The following NF1 variants were observed in gnomAD, a reference collection of about 807,000 sequenced individuals.
NF1 encodes the protein neurofibromin 1, also known as neurofibromin.
NF1 carries 122 observed loss-of-function variants against 325.7 expected under a neutral mutation model. The observed-to-expected ratio is 0.37, with a 90% CI of 0.32 to 0.44. The LOEUF (loss-of-function observed/expected upper bound fraction) is 0.44. NF1 is among the 20% of genes least tolerant of loss of function. The probability of loss-of-function intolerance (pLI) is 1.00; values close to 1 mark genes in which losing one functional copy is unlikely to be tolerated. For synonymous variants in NF1, 1,091 were observed against 1,186.0 expected, an observed-to-expected ratio of 0.92 and a Z score of 1.65; for missense variants, 2,140 against 3,415.4, an observed-to-expected ratio of 0.63 and a Z score of 9.31.
intron 36 of NF1, chr17:31,314,271 T>G (rs1184672856): frequency 3.1e-6 from 1 of 325,930 alleles, no homozygotes; most frequent in East Asian, 4.7e-5. Context: ...TTTGAGATAC[T>G]CTAGTAATAT....
Position 31,243,309 on chromosome 17 carries a change from C to T in NF1, c.3975-5675C>T, listed in dbSNP as rs554550018. On this transcript the variant is annotated intron_variant, in intron 29 of 57. Transcript: ENST00000358273. ...GTCTTGCCCAAGGCCTGCAGTACTGCTGCCTGACTACCACCTATGTTCACT... is the reference window on the plus strand; with the variant it reads ...GTCTTGCCCAAGGCCTGCAGTACTGTTGCCTGACTACCACCTATGTTCACT... 2.6e-5 allele frequency among the ~76,000 whole-genome samples: 4 copies of T among 151,944 alleles called. No homozygotes were observed. The South Asian group carries it at 8.3e-4, about 32-fold the overall frequency.
At chr17:31,342,600 TTTGCAAATGGAGCA>T in intron 47 of NF1, among the ~76,000 whole-genome samples, 1 of 152,098 alleles carries the variant, frequency 6.6e-6, no homozygotes, top group East Asian at 1.9e-4. Context: ...AAAAAGAATA[TTTGCAAATGGAGCA>T]TTGCAAATGG....
intron 8 of NF1, among the ~76,000 whole-genome samples, chr17:31,199,463 A>G (rs2066489108): frequency 6.6e-6 from 1 of 152,176 alleles, no homozygotes; most frequent in Non-Finnish European, 1.5e-5. Context: ...CTTTAAATGT[A>G]TTAAGACTTA....
At chr17:31,313,250 G>T (rs934625510) in intron 36 of NF1, among the ~76,000 whole-genome samples, 1 of 152,096 alleles carries the variant, frequency 6.6e-6, no homozygotes, top group Non-Finnish European at 1.5e-5. Flanking sequence ...ATTATATTAT[G>T]TACAGGAAAA....
intron 36 of NF1, among the ~76,000 whole-genome samples, chr17:31,306,019 C>G (rs530097644): frequency 2.0e-5 from 3 of 152,272 alleles, no homozygotes; most frequent in Admixed American, 1.3e-4. Flanking sequence ...CCATTTTCTA[C>G]TAGAAATATA....
intron 36 of NF1, chr17:31,317,660 G>A (rs906506891): frequency 3.3e-5 from 5 of 152,054 alleles, no homozygotes; most frequent in East Asian, 1.9e-4. Flanking sequence ...GCAAATATAC[G>A]TGGTCACAGG....
At chr17:31,177,380 A>G (rs970999652) in intron 5 of NF1, among the ~76,000 whole-genome samples, 4 of 152,040 alleles carry the variant, frequency 2.6e-5, no homozygotes, top group African/African-American at 9.7e-5. Context: ...ATCAACATCA[A>G]AGACCAAAGG....
chr17:31,375,010 A>G lies in NF1; in HGVS notation c.*855A>G. On this transcript the variant is annotated 3_prime_UTR_variant, in exon 58 of 58. Transcript: ENST00000358273. ...AAACCAAAACTATACTAAGTATAGT[A>G]ATTATATATATATATATATTTTTTC... 2 of 166,924 alleles carry G rather than the reference A, an allele frequency of 1.2e-5. No homozygotes were observed. Among genetic ancestry groups the G allele is most frequent in the Admixed American group, 1.5e-4 (2 of 13,234 alleles). The allele number at this position is 166,924 out of a possible 1,614,324, so 10.3% of individuals were successfully genotyped here.
At chr17:31,323,460 G>C (rs1296503639) in intron 36 of NF1, among the ~76,000 whole-genome samples, 2 of 152,010 alleles carry the variant, frequency 1.3e-5, no homozygotes, top group Non-Finnish European at 2.9e-5. Context: ...AGTAGGTCCA[G>C]GTTGGGACCA....
chr17:31,123,879 A>G (rs1411815929), intron 1 of NF1, among the ~76,000 whole-genome samples: 3 of 151,900 alleles, frequency 2.0e-5, no homozygotes, highest in Non-Finnish European at 4.4e-5. Flanking sequence ...TCTAGAAAGC[A>G]TTTTTTCTCT....
intron 30 of NF1, chr17:31,251,239 C>G (rs2067488625): frequency 4.9e-6 from 1 of 206,028 alleles, no homozygotes; most frequent in African/African-American, 2.3e-5. Flanking sequence ...CCTTCCTGCT[C>G]TTCTGTGTTC....
rs533469389 is a variant in NF1 at position 31,360,848 on chromosome 17, T to C, written c.8377+145T>C. 2.6e-4 allele frequency: 192 copies of C among 729,646 alleles called. No individual in the cohort carries two copies. In the African/African-American group the frequency reaches 2.9e-3, roughly 11 times the overall value. 45.2% of individuals were successfully genotyped at this position (729,646 alleles called of 1,614,324 possible). A position where few individuals can be genotyped will look rare whatever the true frequency, so the allele number is the denominator to read the frequency against. Reference sequence around the variant, plus strand: ...ATTTCTTCTTTACCTTGTAACTGACTTGACTTTTGTTATTCTATGAAGCTT... The same window carrying C: ...ATTTCTTCTTTACCTTGTAACTGACCTGACTTTTGTTATTCTATGAAGCTT... On this transcript the variant is annotated intron_variant, in intron 57 of 57. Transcript: ENST00000358273.
At chr17:31,226,404 C>A (rs565210461) in intron 17 of NF1, 31 bp from the exon 18 acceptor site, 4 of 1,589,930 alleles carry the variant, frequency 2.5e-6, no homozygotes, top group Non-Finnish European at 8.6e-7. Flanking sequence ...ACCCAAGTTG[C>A]AAATATATGT....
chr17:31,136,288 C>G (rs1204277068), intron 1 of NF1: 2 of 138,468 alleles, frequency 1.4e-5, no homozygotes, highest in African/African-American at 5.4e-5. Context: ...GAGATTGTGC[C>G]ACTGCACTCC....
In NF1 at chr17:31,325,998, GACA is replaced by G. The variant is rs2151538129; in HGVS notation, c.5017_5019del (p.Asn1673del). ...TGTTGTTTTTCCTGGCTTTGCTTAC[GACA>G]ACGTCTCCGCAGTCTATATCTATAA... On this transcript the variant is annotated inframe_deletion, in exon 37 of 58. Coordinates refer to ENST00000358273, the MANE Select transcript of NF1 (RefSeq NM_001042492.3). 1.2e-6 allele frequency: 2 copies of G among 1,614,114 alleles called. No individual in the cohort carries two copies. Among genetic ancestry groups the G allele is most frequent in the Non-Finnish European group, 1.7e-6 (2 of 1,180,022 alleles).
At position 31,265,289 on chromosome 17, in the gene NF1, A is replaced by C; in HGVS notation, c.4785A>C (p.Gln1595His). The C allele has an allele frequency of 6.2e-7, 1 of 1,613,542 alleles. No individual in the cohort carries two copies. The highest frequency in any genetic ancestry group is 8.5e-7 in the Non-Finnish European group (1 of 1,179,632). Residue 1595 changes from glutamine (Q) to histidine (H), a missense_variant, in exon 36 of 58, where the codon CAA becomes CAC. Coordinates refer to ENST00000358273, the MANE Select transcript of NF1 (RefSeq NM_001042492.3). ...KALKTLSIFY[Q>H]AGTSKAGNPI... Reference sequence around the variant, plus strand: ...TGAAAACGTTAAGTATTTTCTACCAAGCTGGGACTTCCAAAGCTGGGAATC... The same window carrying C: ...TGAAAACGTTAAGTATTTTCTACCACGCTGGGACTTCCAAAGCTGGGAATC...
At chr17:31,275,727 C>T (rs2067994911) in intron 36 of NF1, among the ~76,000 whole-genome samples, 1 of 152,278 alleles carries the variant, frequency 6.6e-6, no homozygotes, top group Admixed American at 6.5e-5. Flanking sequence ...TTTATACGAT[C>T]CTTCCCTAAT....
At chr17:31,358,748 A>G in intron 55 of NF1, 126 bp downstream of exon 55, 3 of 1,332,306 alleles carry the variant, frequency 2.3e-6, no homozygotes, top group Admixed American at 1.8e-5. Flanking sequence ...TCCATATTCC[A>G]TTTTTTTACT....
intron 57 of NF1, among the ~76,000 whole-genome samples, chr17:31,366,223 C>T (rs575484341): frequency 2.0e-5 from 3 of 152,100 alleles, no homozygotes; most frequent in Non-Finnish European, 2.9e-5. Context: ...CATGAGCCAC[C>T]GCACCTGGCC....
Sources: allele counts gnomAD v4.1 joint callset (sites outside exome capture counted in the v4.1 genomes callset), GRCh38; gene constraint gnomAD v4.1.1; transcripts MANE v1.5; gene names NCBI Gene and HGNC (gene_info 2026-07-23, HGNC 2026-07-21).